INSR: variants seen among roughly 807,000 people sequenced by gnomAD.
INSR encodes the protein insulin receptor, also known as IR.
In INSR, 67 loss-of-function variants were observed where a neutral mutation model predicts 142.6. The observed-to-expected ratio is 0.47, with a 90% CI of 0.39 to 0.58. INSR has a LOEUF of 0.58. Ranked by LOEUF, INSR falls within the 20% of genes least tolerant of loss-of-function variation. The probability of loss-of-function intolerance (pLI) is 0.00; values close to 1 mark genes in which losing one functional copy is unlikely to be tolerated. For synonymous variants in INSR, 756 were observed against 743.1 expected, an observed-to-expected ratio of 1.02 and a Z score of -0.28; for missense variants, 1,248 against 1,833.2, an observed-to-expected ratio of 0.68 and a Z score of 5.83.
intron 2 of INSR, among the ~76,000 whole-genome samples, chr19:7,232,369 G>A (rs559125404): frequency 2.0e-5 from 3 of 152,120 alleles, no homozygotes; most frequent in African/African-American, 7.2e-5. Flanking sequence ...GCACCATCAC[G>A]TCTGGCTAAT....
At chr19:7,117,460 C>A in intron 21 of INSR, 50 bp from the exon 22 acceptor site, 1 of 1,420,026 alleles carries the variant, frequency 7.0e-7, no homozygotes, top group South Asian at 1.2e-5. Context: ...CCCTGCCACG[C>A]ATCCTCCCAA....
intron 2 of INSR, among the ~76,000 whole-genome samples, chr19:7,212,236 C>T (rs1975297749): frequency 6.6e-6 from 1 of 152,078 alleles, no homozygotes; most frequent in Non-Finnish European, 1.5e-5. Flanking sequence ...AGAGGGAAAT[C>T]ATCAAAGCCG....
chr19:7,194,755 C>T (rs4804376), intron 2 of INSR, among the ~76,000 whole-genome samples: 16,568 of 150,220 alleles, frequency 0.11, 1,093 homozygotes, highest in African/African-American at 0.18. Flanking sequence ...ACGTGACCTC[C>T]GTCTGCCTTG....
chr19:7,188,114 G>A (rs979480985), intron 2 of INSR, among the ~76,000 whole-genome samples: 14 of 152,068 alleles, frequency 9.2e-5, no homozygotes, highest in Non-Finnish European at 1.9e-4. Flanking sequence ...TTGTCCCCTT[G>A]TGACTTGCTC....
At chr19:7,162,911 T>C in intron 9 of INSR, 121 bp downstream of exon 9, 1 of 812,396 alleles carries the variant, frequency 1.2e-6, no homozygotes, top group Non-Finnish European at 2.2e-6. Context: ...GGAGTGTGTG[T>C]GTGTGTGCCT....
chr19:7,152,607 AC>A (rs1471787662), intron 10 of INSR, 118 bp downstream of exon 10: 1 of 858,898 alleles, frequency 1.2e-6, no homozygotes, highest in African/African-American at 1.7e-5. Context: ...CTCCATTCAG[AC>A]TCCACCCACC....
In INSR at chr19:7,270,335, T is replaced by TCACACACACACA. The variant is rs1277505424; in HGVS notation, c.101-2440_101-2439insTGTGTGTGTGTG. ...TTTCATTTCTCTCTCTCTCTCTCTC[T>TCACACACACACA]CTCTCACACACACACACACACACAC... is the stretch of plus-strand genomic sequence containing the variant. On this transcript the variant is annotated intron_variant, in intron 1 of 21. Coordinates refer to ENST00000302850, the MANE Select transcript of INSR (RefSeq NM_000208.4). Among the ~76,000 whole-genome samples the TCACACACACACA allele has an allele frequency of 3.5e-3, 295 of 83,232 alleles. 1 individual carries two copies. The highest frequency in any genetic ancestry group is 4.4e-3 in the Non-Finnish European group (172 of 38,834). The allele number at this position is 83,232 out of a possible 152,430, so 54.6% of individuals were successfully genotyped here. A position where few individuals can be genotyped will look rare whatever the true frequency, so the allele number is the denominator to read the frequency against.
intron 1 of INSR, among the ~76,000 whole-genome samples, chr19:7,269,308 G>A (rs115328098): frequency 0.02 from 2,946 of 146,768 alleles, 88 homozygotes; most frequent in African/African-American, 0.069. Context: ...CAAACAAATG[G>A]GAAAAAAAAA....
intron 1 of INSR, among the ~76,000 whole-genome samples, chr19:7,281,196 G>C (rs542783984): frequency 1.3e-5 from 2 of 152,190 alleles, no homozygotes; most frequent in African/African-American, 4.8e-5. Context: ...TGCCAGACCA[G>C]AAAGTCACTT....
chr19:7,124,090 G>C (rs141296824), intron 17 of INSR, among the ~76,000 whole-genome samples: 5 of 151,978 alleles, frequency 3.3e-5, no homozygotes, highest in Admixed American at 3.3e-4. Flanking sequence ...GGCACTGGGC[G>C]TGGTGGCTCA....
intron 1 of INSR, among the ~76,000 whole-genome samples, chr19:7,272,253 C>A (rs892767742): frequency 1.3e-5 from 2 of 152,040 alleles, no homozygotes; most frequent in Non-Finnish European, 2.9e-5. Context: ...TTTCAGTGAG[C>A]CAAGATTGCA....
intron 2 of INSR, among the ~76,000 whole-genome samples, chr19:7,242,134 C>A (rs913865077): frequency 1.5e-5 from 2 of 137,842 alleles, no homozygotes; most frequent in Non-Finnish European, 3.0e-5. Context: ...GCCTGGGTGA[C>A]AGAGTGAGAC....
chr19:7,190,990 T>A (rs1405572350), intron 2 of INSR, among the ~76,000 whole-genome samples: 1 of 152,158 alleles, frequency 6.6e-6, no homozygotes, highest in Non-Finnish European at 1.5e-5. Context: ...ATACAATTAT[T>A]ATTTGTCAAT....
intron 3 of INSR, among the ~76,000 whole-genome samples, chr19:7,182,950 T>C (rs1467196888): frequency 2.0e-5 from 3 of 149,266 alleles, no homozygotes; most frequent in South Asian, 2.1e-4. Flanking sequence ...CTGTCTGGTA[T>C]GAAAAGGTGA....
At chr19:7,217,288 C>A (rs906955595) in intron 2 of INSR, among the ~76,000 whole-genome samples, 5 of 152,156 alleles carry the variant, frequency 3.3e-5, no homozygotes, top group African/African-American at 1.2e-4. Flanking sequence ...AATCTCTTGC[C>A]TCCCTCTTTC....
intron 13 of INSR, among the ~76,000 whole-genome samples, chr19:7,139,618 T>C (rs947340308): frequency 3.3e-5 from 5 of 152,056 alleles, no homozygotes; most frequent in African/African-American, 1.2e-4. Flanking sequence ...AAAATGAATA[T>C]TAAAAAAGGC....
intron 2 of INSR, among the ~76,000 whole-genome samples, chr19:7,191,181 C>T (rs1336523508): frequency 6.6e-6 from 1 of 152,032 alleles, no homozygotes; most frequent in East Asian, 1.9e-4. Flanking sequence ...CCTGTAATCC[C>T]AGCTACTTGG....
chr19:7,132,212 G>A lies in INSR; in HGVS notation c.2788C>T (p.Leu930Phe). The A allele has an allele frequency of 6.2e-7, 1 of 1,614,226 alleles. No homozygotes were observed. ...TCCGTCCAAGAGCCGTTGCCCGCAA[G>A]GGAGGTGGCCCGGATTCGCACGCTG... is the stretch of plus-strand genomic sequence containing the variant. ...NYSVRIRATS[L>F]AGNGSWTEPT... The change falls in exon 14 of 22, where the codon CTT becomes TTT. Residue 930 changes from leucine (L) to phenylalanine (F), a missense_variant. Coordinates refer to ENST00000302850, the MANE Select transcript of INSR (RefSeq NM_000208.4).
intron 2 of INSR, among the ~76,000 whole-genome samples, chr19:7,211,099 G>A (rs1248515242): frequency 6.6e-6 from 1 of 151,796 alleles, no homozygotes; most frequent in Non-Finnish European, 1.5e-5. Flanking sequence ...AGAGGATCTC[G>A]CTCAGCTGCA....
Sources: allele counts gnomAD v4.1 joint callset (sites outside exome capture counted in the v4.1 genomes callset), GRCh38; gene constraint gnomAD v4.1.1; transcripts MANE v1.5; gene names NCBI Gene and HGNC (gene_info 2026-07-23, HGNC 2026-07-21).